Variants in FANCI observed in about 807,000 individuals in gnomAD.
The protein encoded by FANCI is Fanconi anemia group I protein.
Under a neutral mutation model 176.1 loss-of-function variants are expected in FANCI, and 156 were observed. The ratio of observed to expected loss-of-function variants is 0.89; its 90% CI spans 0.78 to 1.01. FANCI has a LOEUF of 1.01. FANCI is among the 50% of genes least tolerant of loss of function. FANCI has a pLI of 0.00. For synonymous variants in FANCI, 613 were observed against 541.7 expected (o/e 1.13, Z -1.83); for missense variants, 1,678 against 1,534.1 (o/e 1.09, Z -1.57).
chr15:89,264,125 A>T, intron 8 of FANCI, 99 bp downstream of exon 8: 1 of 1,292,640 alleles, frequency 7.7e-7, no homozygotes, highest in Non-Finnish European at 1.1e-6. Flanking sequence ...GAGCAAACAT[A>T]GCCGAACATA....
chr15:89,301,100 C>T (rs560630824), intron 26 of FANCI, among the ~76,000 whole-genome samples: 27 of 152,300 alleles, frequency 1.8e-4, no homozygotes, highest in Admixed American at 1.2e-3. Flanking sequence ...GGGGTTGGAA[C>T]GGAAAGAGTC....
At chr15:89,289,123 A>G (rs918061255) in intron 18 of FANCI, among the ~76,000 whole-genome samples, 1 of 152,042 alleles carries the variant, frequency 6.6e-6, no homozygotes, top group African/African-American at 2.4e-5. Context: ...TTGTTCAGAC[A>G]TCATTGCCTC....
intron 22 of FANCI, 141 bp from the exon 23 acceptor site, chr15:89,293,692 A>G: frequency 2.2e-6 from 2 of 909,974 alleles, no homozygotes; most frequent in Middle Eastern, 3.4e-4. Context: ...TGGGAGTATT[A>G]TATTAATGAA....
intron 2 of FANCI, among the ~76,000 whole-genome samples, chr15:89,256,109 T>G (rs187945639): frequency 1.6e-4 from 24 of 152,322 alleles, no homozygotes; most frequent in Admixed American, 1.4e-3. Context: ...CTGTTGAAAC[T>G]GAACTATTTC....
chr15:89,305,017 C>T, intron 28 of FANCI, 98 bp from the exon 29 acceptor site: 1 of 1,403,586 alleles, frequency 7.1e-7, no homozygotes. Flanking sequence ...CTCAGGTGAT[C>T]CACCCGCCTT....
chr15:89,257,293 T>A (rs2151198625), intron 2 of FANCI, among the ~76,000 whole-genome samples: 1 of 152,372 alleles, frequency 6.6e-6, no homozygotes, highest in Middle Eastern at 3.4e-3. Context: ...ATCTTAGATC[T>A]ATCTACTTTT....
In FANCI at chr15:89,273,454, A is replaced by G. The variant is rs1596268762; in HGVS notation, c.960A>G (p.Gln320=). Residue 320 remains glutamine, a synonymous_variant, in exon 11 of 38, where the codon CAA becomes CAG. Transcript: ENST00000310775. ...TTCTTCTGTCTGTAACAAGAATACA[A>G]AGATTTCAGGACCAGGTATTTTTTT... The part of the protein sequence containing the change: ...IALLLSVTRI[Q]RFQDQVLDLL... 1.3e-6 allele frequency: 2 copies of G among 1,590,080 alleles called. No homozygotes were observed. The highest frequency in any genetic ancestry group is 1.1e-5 in the South Asian group (1 of 89,464).
intron 19 of FANCI, 74 bp from the exon 20 acceptor site, chr15:89,291,539 C>A (rs1285459803): frequency 1.7e-6 from 2 of 1,159,406 alleles, no homozygotes; most frequent in East Asian, 2.4e-5. Context: ...ATTAAAGATA[C>A]CTTTCACCTG....
chr15:89,268,775 C>A (rs2053081329), intron 10 of FANCI: 2 of 459,534 alleles, frequency 4.4e-6, no homozygotes, highest in Non-Finnish European at 7.9e-6. Flanking sequence ...TTTAAAAAAA[C>A]CCTCAAAAGT....
At chr15:89,300,020 AC>A in intron 25 of FANCI, 54 bp downstream of exon 25, 1 of 1,586,904 alleles carries the variant, frequency 6.3e-7, no homozygotes. Context: ...CCTTAGCTCA[AC>A]CCCTTAATTC....
At position 89,317,065 on chromosome 15, in the gene FANCI, AGTTT is replaced by A. The variant is rs1378429287; in HGVS notation, c.*611_*614del. ...TTTACTTGTTTGGTATTTAAAGCAC[AGTTT>A]GTTTTTCTGTCACCTATAGAGTGCA... is the stretch of plus-strand genomic sequence containing the variant. On this transcript the variant is annotated 3_prime_UTR_variant, in exon 38 of 38. Coordinates refer to ENST00000310775, the MANE Select transcript of FANCI (RefSeq NM_001113378.2). 3.5e-5 allele frequency: 21 copies of A among 591,768 alleles called. No homozygotes were observed. Among genetic ancestry groups the A allele is most frequent in the South Asian group, 1.4e-4 (7 of 48,958 alleles). 36.7% of individuals were successfully genotyped at this position (591,768 alleles called of 1,614,324 possible).
intron 12 of FANCI, 83 bp from the exon 13 acceptor site, chr15:89,276,628 A>G (rs2053421829): frequency 6.7e-7 from 1 of 1,485,834 alleles, no homozygotes; most frequent in Non-Finnish European, 9.4e-7. Context: ...CAAGTTTGGG[A>G]AATGTATAAC....
intron 11 of FANCI, 75 bp downstream of exon 11, chr15:89,273,544 A>G: frequency 2.2e-6 from 2 of 917,636 alleles, no homozygotes; most frequent in Non-Finnish European, 3.5e-6. Context: ...AATCACAGTA[A>G]TCTGTTTTTG....
intron 34 of FANCI, among the ~76,000 whole-genome samples, chr15:89,310,334 A>G (rs1192808879): frequency 2.0e-5 from 3 of 152,240 alleles, no homozygotes; most frequent in East Asian, 1.9e-4. Context: ...TAGTCAGTCA[A>G]CCATTGCTCT....
At chr15:89,259,544 A>G (rs74033572) in intron 3 of FANCI, among the ~76,000 whole-genome samples, 5,434 of 152,302 alleles carry the variant, frequency 0.036, 313 homozygotes, top group African/African-American at 0.12. Context: ...GAGCAATTCT[A>G]TGGCTTTTAG....
chr15:89,279,894 C>T lies in FANCI; in HGVS notation c.1381+1120C>T, dbSNP rs16942938. ...TTAGACTACTGCCACAGCTTTCTAACTGGTTTCCTGGCTTTTTCTTCTCCC... is the reference window on the plus strand; with the variant it reads ...TTAGACTACTGCCACAGCTTTCTAATTGGTTTCCTGGCTTTTTCTTCTCCC... On this transcript the variant is annotated intron_variant, in intron 14 of 37. Coordinates refer to ENST00000310775, the MANE Select transcript of FANCI (RefSeq NM_001113378.2). 6.7e-3 allele frequency among the ~76,000 whole-genome samples: 1,015 copies of T among 152,310 alleles called. 14 individuals are homozygous for T. The highest frequency in any genetic ancestry group is 0.023 in the African/African-American group (953 of 41,568).
rs2054482251 is a variant in FANCI, at chr15:89,300,346, T to C, written c.2850T>C (p.Ser950=). The part of the protein sequence containing the change: ...EGEEREDADV[S]VTQRTAFQIR... ...AAGAGAGAGAAGATGCAGATGTCAG[T>C]GTCACTCAGAGAACAGCATTCCAGA... Residue 950 remains serine, a synonymous_variant, in exon 26 of 38, where the codon AGT becomes AGC. Transcript: ENST00000310775. 1 of 1,614,044 alleles carries C rather than the reference T, an allele frequency of 6.2e-7. No individual in the cohort carries two copies. The highest frequency in any genetic ancestry group is 8.5e-7 in the Non-Finnish European group (1 of 1,179,958).
At chr15:89,270,211 G>A (rs2053147898) in intron 10 of FANCI, among the ~76,000 whole-genome samples, 1 of 152,174 alleles carries the variant, frequency 6.6e-6, no homozygotes, top group Non-Finnish European at 1.5e-5. Flanking sequence ...TTGGCCAACA[G>A]GCTGTATGTA....
Position 89,263,904 on chromosome 15 carries a change from G to T in FANCI, c.547G>T (p.Asp183Tyr), listed in dbSNP as rs752580704. The change falls in exon 8 of 38, where the codon GAT becomes TAT. Residue 183 changes from aspartate to tyrosine, a missense_variant and splice_region_variant. By Grantham distance (160) the Asp-to-Tyr change is radical (BLOSUM62 -3). Around this residue, in one of 3 missense-constraint regions of FANCI, gnomAD observed 469 missense variants for 436.9 expected, o/e 1.07. Transcript: ENST00000310775. ...YVIQLTSMFK[D>Y]VPLTAEEVEF... The stretch of plus-strand genomic sequence containing the variant: ...GCCTTTAGAATCTTTGATCCACAGG[G>T]ATGTCCCTCTGACTGCAGAAGAGGT... 1 of 1,614,084 alleles carries T rather than the reference G, an allele frequency of 6.2e-7. No individual in the cohort carries two copies. Among genetic ancestry groups the T allele is most frequent in the Non-Finnish European group, 8.5e-7 (1 of 1,179,964 alleles).
Sources: allele counts gnomAD v4.1 joint callset (sites outside exome capture counted in the v4.1 genomes callset), GRCh38; gene constraint gnomAD v4.1.1; regional missense constraint gnomAD v4.1.1; transcripts MANE v1.5; gene names NCBI Gene and HGNC (gene_info 2026-07-23, HGNC 2026-07-21).